The following KIAA0513 variants were observed in gnomAD, a reference collection of about 807,000 sequenced individuals.
KIAA0513 encodes uncharacterized protein KIAA0513.
In KIAA0513, 39 loss-of-function variants were observed where a neutral mutation model predicts 56.5. The observed-to-expected ratio is 0.69, with a 90% confidence interval of 0.53 to 0.90. The LOEUF (loss-of-function observed/expected upper bound fraction) is 0.90. KIAA0513 is among the 40% of genes least tolerant of loss of function. The probability of loss-of-function intolerance (pLI) is 0.00; values close to 1 mark genes in which losing one functional copy is unlikely to be tolerated. For synonymous variants in KIAA0513, 268 were observed against 215.6 expected, an observed-to-expected ratio of 1.24 and a Z score of -2.13; for missense variants, 591 against 535.2, an observed-to-expected ratio of 1.10 and a Z score of -1.03.
At chr16:85,052,825 G>T (rs1437801900) in intron 1 of KIAA0513, among the ~76,000 whole-genome samples, 2 of 152,294 alleles carry the variant, frequency 1.3e-5, no homozygotes, top group African/African-American at 2.4e-5. Context: ...CAGCAAGCGC[G>T]CCCTCAAGCA....
chr16:85,040,612 T>G (rs2143864359), intron 1 of KIAA0513, among the ~76,000 whole-genome samples: 1 of 152,244 alleles, frequency 6.6e-6, no homozygotes, highest in East Asian at 1.9e-4. Flanking sequence ...GTTGGGAAAG[T>G]TTTTAGTTTC....
intron 10 of KIAA0513, 107 bp downstream of exon 10, chr16:85,082,700 C>A: frequency 8.3e-7 from 1 of 1,211,094 alleles, no homozygotes; most frequent in Non-Finnish European, 1.2e-6. Context: ...GCAGGCACAG[C>A]CCAGACGCAG....
At chr16:85,029,227 C>T (rs1197495256) in intron 1 of KIAA0513, among the ~76,000 whole-genome samples, 1 of 151,828 alleles carries the variant, frequency 6.6e-6, no homozygotes, top group Non-Finnish European at 1.5e-5. Context: ...ATTTTTTTTC[C>T]ATTAAAGAGA....
Position 85,091,540 on chromosome 16 carries a change from C to G in KIAA0513, c.*3215C>G, listed in dbSNP as rs1191036655. ...CTGAGCTCTGTACCCAAATTAAAAT[C>G]CTGATGTTCAGGTTAATCCAAGCAA... On this transcript the variant is annotated 3_prime_UTR_variant, in exon 13 of 13. Coordinates refer to ENST00000683363, the MANE Select transcript of KIAA0513 (RefSeq NM_001388359.1). 2.0e-5 allele frequency: 3 copies of G among 152,288 alleles called. No homozygotes were observed. In the East Asian group the frequency reaches 5.8e-4, roughly 29 times the overall value. 9.4% of individuals were successfully genotyped at this position (152,288 alleles called of 1,614,324 possible).
At chr16:85,072,077 G>T (rs1294327004) in intron 3 of KIAA0513, among the ~76,000 whole-genome samples, 195 bp downstream of exon 3, 1 of 152,144 alleles carries the variant, frequency 6.6e-6, no homozygotes, top group East Asian at 1.9e-4. Flanking sequence ...AACAGTCTGG[G>T]CACAGTGGCT....
At chr16:85,062,492 T>C (rs532925680) in intron 1 of KIAA0513, among the ~76,000 whole-genome samples, 18 of 152,296 alleles carry the variant, frequency 1.2e-4, no homozygotes, top group Non-Finnish European at 2.2e-4. Context: ...CATGTTCCTA[T>C]CTGCGGTGAC....
In KIAA0513 at chr16:85,087,093, G is replaced by A. The variant is rs1183841573; in HGVS notation, c.1113G>A (p.Leu371=). 2 of 1,614,168 alleles carry A rather than the reference G, an allele frequency of 1.2e-6. No individual in the cohort carries two copies. Among genetic ancestry groups the A allele is most frequent in the Admixed American group, 1.7e-5 (1 of 60,028 alleles). The part of the protein sequence containing the change: ...GQLGTFTHNM[L]AFGLNKKLCN... ...GCAGCACATTCACGCACAACATGCT[G>A]GCCTTTGGACTGAACAAGAAGCTGT... The change falls in exon 12 of 13, where the codon CTG becomes CTA. Residue 371 remains leucine (L), a synonymous_variant. Coordinates refer to ENST00000683363, the MANE Select transcript of KIAA0513 (RefSeq NM_001388359.1).
chr16:85,051,138 C>T (rs1295082630), intron 1 of KIAA0513, among the ~76,000 whole-genome samples: 1 of 151,492 alleles, frequency 6.6e-6, no homozygotes, highest in African/African-American at 2.4e-5. Context: ...AGAGTGAGAC[C>T]CTGTCTTAAA....
At chr16:85,052,825 G>A (rs1437801900) in intron 1 of KIAA0513, among the ~76,000 whole-genome samples, 2 of 152,294 alleles carry the variant, frequency 1.3e-5, no homozygotes, top group African/African-American at 2.4e-5. Context: ...CAGCAAGCGC[G>A]CCCTCAAGCA....
chr16:85,030,300 C>A (rs77640406), intron 1 of KIAA0513, among the ~76,000 whole-genome samples: 1 of 152,094 alleles, frequency 6.6e-6, no homozygotes, highest in African/African-American at 2.4e-5. Flanking sequence ...CGCAGTTCTC[C>A]GGCAGCCTGC....
At chr16:85,078,205 GA>G (rs1032217876) in intron 6 of KIAA0513, among the ~76,000 whole-genome samples, 10 of 152,186 alleles carry the variant, frequency 6.6e-5, no homozygotes, top group African/African-American at 2.4e-4. Context: ...TGGATTCAGA[GA>G]AAATGACATA....
At chr16:85,029,877 G>A (rs1447428329) in intron 1 of KIAA0513, among the ~76,000 whole-genome samples, 1 of 152,214 alleles carries the variant, frequency 6.6e-6, no homozygotes, top group Non-Finnish European at 1.5e-5. Flanking sequence ...TGGTGGGTTT[G>A]TTATCGTTCC....
At chr16:85,079,054 A>C in intron 8 of KIAA0513, 51 bp downstream of exon 8, 1 of 1,613,836 alleles carries the variant, frequency 6.2e-7, no homozygotes, top group African/African-American at 1.3e-5. Context: ...CGGGGCCAGC[A>C]GTCACTCCCC....
At chr16:85,039,982 G>GCC (rs2073084328) in intron 1 of KIAA0513, among the ~76,000 whole-genome samples, 1 of 151,568 alleles carries the variant, frequency 6.6e-6, no homozygotes, top group Non-Finnish European at 1.5e-5. Flanking sequence ...TTACAGGCAT[G>GCC]TGCCACCGCG....
At chr16:85,073,132 C>T in intron 4 of KIAA0513, 134 bp downstream of exon 4, 1 of 766,946 alleles carries the variant, frequency 1.3e-6, no homozygotes, top group East Asian at 2.5e-5. Context: ...AGTTGCTCTG[C>T]TACGCCCAGC....
chr16:85,038,738 T>A (rs1475626117), intron 1 of KIAA0513, among the ~76,000 whole-genome samples: 3 of 147,632 alleles, frequency 2.0e-5, no homozygotes, highest in Admixed American at 6.7e-5. Flanking sequence ...AATAATAATA[T>A]CTTTGTTGAT....
intron 1 of KIAA0513, among the ~76,000 whole-genome samples, chr16:85,031,926 G>T (rs999548798): frequency 2.6e-5 from 4 of 152,164 alleles, no homozygotes; most frequent in Admixed American, 2.6e-4. Context: ...CTGGCTAGCG[G>T]ACCACTGGGC....
At chr16:85,075,095 A>G (rs1165730497) in intron 4 of KIAA0513, among the ~76,000 whole-genome samples, 1 of 149,522 alleles carries the variant, frequency 6.7e-6, no homozygotes, top group African/African-American at 2.5e-5. Context: ...GGGATTTTTT[A>G]GTTTTATAAT....
chr16:85,077,309 G>C (rs2073669939), intron 5 of KIAA0513, 116 bp from the exon 6 acceptor site: 1 of 934,828 alleles, frequency 1.1e-6, no homozygotes, highest in Non-Finnish European at 1.6e-6. Flanking sequence ...GCTGAGGAGG[G>C]AGGCTCCCGT....
Sources: allele counts gnomAD v4.1 joint callset (sites outside exome capture counted in the v4.1 genomes callset), GRCh38; gene constraint gnomAD v4.1.1; transcripts MANE v1.5; gene names NCBI Gene and HGNC (gene_info 2026-07-23, HGNC 2026-07-21).